FLNB: variants seen among roughly 807,000 people sequenced by gnomAD.
The protein encoded by FLNB is filamin B.
FLNB carries 111 observed loss-of-function variants against 250.6 expected under a neutral mutation model. The ratio of observed to expected loss-of-function variants is 0.44; its 90% confidence interval spans 0.38 to 0.52. FLNB has a LOEUF of 0.52. Ranked by LOEUF, FLNB falls within the 20% of genes least tolerant of loss-of-function variation. The pLI is 0.00. For synonymous variants in FLNB, 1,302 were observed against 1,372.1 expected, an observed-to-expected ratio of 0.95 and a Z score of 1.13; for missense variants, 2,869 against 3,447.8, an observed-to-expected ratio of 0.83 and a Z score of 4.20.
chr3:58,025,062 T>C (rs1201055780), intron 1 of FLNB, among the ~76,000 whole-genome samples: 1 of 150,590 alleles, frequency 6.6e-6, no homozygotes, highest in East Asian at 1.9e-4. Context: ...CCTCACCCTT[T>C]CTTTTGTCTC....
At chr3:58,014,363 C>A (rs994509916) in intron 1 of FLNB, among the ~76,000 whole-genome samples, 2 of 152,228 alleles carry the variant, frequency 1.3e-5, no homozygotes, top group African/African-American at 4.8e-5. Context: ...TGTTTCCAAG[C>A]TGGACAGGGA....
At chr3:58,139,340 G>A (rs1022754424) in intron 29 of FLNB, among the ~76,000 whole-genome samples, 5 of 152,108 alleles carry the variant, frequency 3.3e-5, no homozygotes, top group Admixed American at 2.6e-4. Flanking sequence ...CATCCTCACT[G>A]GTGTCCTTTG....
At chr3:58,050,908 G>A (rs1576635978) in intron 1 of FLNB, among the ~76,000 whole-genome samples, 3 of 152,178 alleles carry the variant, frequency 2.0e-5, no homozygotes, top group Admixed American at 1.3e-4. Context: ...TTCCTATTGC[G>A]GGTGAAGCGC....
intron 5 of FLNB, 78 bp from the exon 6 acceptor site, chr3:58,096,063 G>A: frequency 8.6e-7 from 1 of 1,158,376 alleles, no homozygotes; most frequent in Non-Finnish European, 1.3e-6. Context: ...GGCAGCTCCT[G>A]CAGAACCCCT....
chr3:58,110,267 G>A, intron 16 of FLNB, 97 bp downstream of exon 16: 1 of 1,297,270 alleles, frequency 7.7e-7, no homozygotes. Context: ...TGTTTTGTTA[G>A]TATTATTATT....
intron 1 of FLNB, among the ~76,000 whole-genome samples, chr3:58,009,734 A>G (rs545931238): frequency 6.6e-6 from 1 of 152,144 alleles, no homozygotes; most frequent in African/African-American, 2.4e-5. Context: ...GAACTGAAGG[A>G]AGTGGGCAAC....
At chr3:58,116,213 C>T (rs1325085733) in intron 18 of FLNB, among the ~76,000 whole-genome samples, 1 of 152,182 alleles carries the variant, frequency 6.6e-6, no homozygotes, top group Admixed American at 6.5e-5. Flanking sequence ...GGAAGTGTGC[C>T]CTTGGATGTG....
intron 38 of FLNB, chr3:58,150,435 C>T (rs1371153164): frequency 9.7e-6 from 6 of 617,858 alleles, no homozygotes; most frequent in Non-Finnish European, 1.4e-5. Context: ...TACCTTGCTA[C>T]CTTTTTCCTC....
At chr3:58,146,749 T>A in intron 33 of FLNB, 71 bp from the exon 34 acceptor site, 1 of 1,546,966 alleles carries the variant, frequency 6.5e-7, no homozygotes. Flanking sequence ...CTGGATGAGT[T>A]GTTAAAAGGA....
intron 33 of FLNB, chr3:58,146,598 T>C: frequency 1.8e-6 from 1 of 560,440 alleles, no homozygotes; most frequent in Non-Finnish European, 3.2e-6. Flanking sequence ...CCAGGGTTAC[T>C]TGCAGTGAAG....
rs2107179452 is a variant in FLNB, at chr3:58,124,363, A to G, written c.3756A>G (p.Thr1252=). The change falls in exon 22 of 46, where the codon ACA becomes ACG. Residue 1252 remains threonine, a synonymous_variant. Transcript: ENST00000295956. Reference sequence around the variant, plus strand: ...TCCGGGAAGCTACCACCGACTTTACAGTTGACTCTCGGCCGCTGACCCAGG... The same window carrying G: ...TCCGGGAAGCTACCACCGACTTTACGGTTGACTCTCGGCCGCTGACCCAGG... ...DVFREATTDF[T]VDSRPLTQVG... The G allele has an allele frequency of 6.2e-7, 1 of 1,614,180 alleles. No individual in the cohort carries two copies. The highest frequency in any genetic ancestry group is 8.5e-7 in the Non-Finnish European group (1 of 1,180,036).
chr3:58,110,937 C>T (rs1355752196), intron 16 of FLNB, among the ~76,000 whole-genome samples: 2 of 152,130 alleles, frequency 1.3e-5, no homozygotes, highest in Non-Finnish European at 1.5e-5. Flanking sequence ...TTCTCTCTGG[C>T]TCCTTACAAC....
chr3:58,055,305 G>A (rs1201914048), intron 1 of FLNB, among the ~76,000 whole-genome samples: 3 of 151,960 alleles, frequency 2.0e-5, no homozygotes, highest in Non-Finnish European at 4.4e-5. Flanking sequence ...TTTATGGAAA[G>A]TTTGCTGACC....
At chr3:58,026,461 C>T (rs1362679213) in intron 1 of FLNB, among the ~76,000 whole-genome samples, 2 of 152,110 alleles carry the variant, frequency 1.3e-5, no homozygotes, top group African/African-American at 4.8e-5. Context: ...ATGGAGCTGG[C>T]GACAATATTT....
At chr3:58,159,472 C>G in intron 41 of FLNB, 82 bp from the exon 42 acceptor site, 1 of 1,398,032 alleles carries the variant, frequency 7.2e-7, no homozygotes, top group Non-Finnish European at 1.0e-6. Context: ...GAACTGTCAC[C>G]CACAGTTTTG....
chr3:58,105,723 C>T (rs987021202), intron 11 of FLNB, among the ~76,000 whole-genome samples: 3 of 152,132 alleles, frequency 2.0e-5, no homozygotes, highest in African/African-American at 7.2e-5. Context: ...TTGACTCTGC[C>T]GTTGTAGCCT....
At chr3:58,097,095 A>G (rs1418975511) in intron 6 of FLNB, among the ~76,000 whole-genome samples, 1 of 152,178 alleles carries the variant, frequency 6.6e-6, no homozygotes, top group African/African-American at 2.4e-5. Context: ...ATTGGAAGAA[A>G]GCCCTCAACA....
intron 31 of FLNB, 132 bp from the exon 32 acceptor site, chr3:58,143,341 G>C: frequency 1.1e-6 from 1 of 918,952 alleles, no homozygotes; most frequent in East Asian, 2.6e-5. Flanking sequence ...TGTGGGACTT[G>C]AATGTTTTAG....
intron 41 of FLNB, among the ~76,000 whole-genome samples, chr3:58,157,660 C>G (rs2097355308): frequency 6.6e-6 from 1 of 152,200 alleles, no homozygotes; most frequent in African/African-American, 2.4e-5. Flanking sequence ...AAACCCAGCA[C>G]TTATTGAGGG....
Sources: gnomAD v4.1 joint callset for allele counts (sites outside exome capture counted in the v4.1 genomes callset) on GRCh38, gnomAD v4.1.1 for gene constraint, MANE v1.5 for transcripts, NCBI Gene and HGNC (gene_info 2026-07-23, HGNC 2026-07-21) for gene names.